Variants in ULK4 observed in about 807,000 individuals in gnomAD.
ULK4 encodes the protein inactive serine/threonine-protein kinase ULK4.
In ULK4, 133 loss-of-function variants were observed where a neutral mutation model predicts 160.6. That is an observed-to-expected ratio of 0.83 (90% CI 0.72 to 0.96). The LOEUF is 0.96. Among genes scored for constraint, ULK4 ranks in the 40% least tolerant of loss-of-function variants. ULK4 has a pLI of 0.00. For missense variants in ULK4, 1,580 were observed against 1,499.5 expected (o/e 1.05, Z -0.89); for synonymous variants, 534 against 539.8 (o/e 0.99, Z 0.15).
intron 17 of ULK4, among the ~76,000 whole-genome samples, chr3:41,844,660 G>A (rs1055896429): frequency 6.6e-6 from 1 of 152,192 alleles, no homozygotes; most frequent in Non-Finnish European, 1.5e-5. Context: ...GCCAAAGTGG[G>A]AGCCCAGGCA....
At chr3:41,599,696 C>T (rs2031938738) in intron 31 of ULK4, among the ~76,000 whole-genome samples, 2 of 151,582 alleles carry the variant, frequency 1.3e-5, no homozygotes, top group Non-Finnish European at 2.9e-5. Context: ...TCCTGAATAG[C>T]TGGGGTTACA....
intron 32 of ULK4, among the ~76,000 whole-genome samples, chr3:41,517,037 A>C (rs186833279): frequency 6.6e-6 from 1 of 152,160 alleles, no homozygotes; most frequent in African/African-American, 2.4e-5. Context: ...AAGAAAACAA[A>C]CCATTCAATT....
chr3:41,348,612 A>T (rs1387147466), intron 35 of ULK4, among the ~76,000 whole-genome samples: 1 of 151,938 alleles, frequency 6.6e-6, no homozygotes, highest in African/African-American at 2.4e-5. Flanking sequence ...AAAGAGATAA[A>T]TATAACTGAG....
At chr3:41,649,576 G>T (rs2034654581) in intron 30 of ULK4, among the ~76,000 whole-genome samples, 1 of 152,200 alleles carries the variant, frequency 6.6e-6, no homozygotes, top group Admixed American at 6.5e-5. Flanking sequence ...AACCCAGCTG[G>T]GGGTGTCCGT....
chr3:41,453,443 C>T (rs1033576205), intron 34 of ULK4, among the ~76,000 whole-genome samples: 1 of 152,154 alleles, frequency 6.6e-6, no homozygotes, highest in African/African-American at 2.4e-5. Flanking sequence ...ACCCAAAGTG[C>T]CAGTATTACA....
chr3:41,556,796 A>G (rs2087318158), intron 32 of ULK4, among the ~76,000 whole-genome samples: 1 of 151,962 alleles, frequency 6.6e-6, no homozygotes. Context: ...CCAAACTTTT[A>G]AGGAGTAGAT....
At chr3:41,447,730 T>C (rs559230853) in intron 34 of ULK4, among the ~76,000 whole-genome samples, 46 of 152,214 alleles carry the variant, frequency 3.0e-4, no homozygotes, top group African/African-American at 1.1e-3. Context: ...AGCACAGCAA[T>C]TTTCCAGAAA....
Position 41,954,785 on chromosome 3 carries a change from T to G in ULK4, c.-26A>C. 1 of 1,591,644 alleles carries G rather than the reference T, an allele frequency of 6.3e-7. No homozygotes were observed. Among genetic ancestry groups the G allele is most frequent in the Non-Finnish European group, 8.5e-7 (1 of 1,170,266 alleles). On this transcript the variant is annotated 5_prime_UTR_variant, in exon 2 of 37. Transcript: ENST00000301831. ...CTCTGGGCCGACTTCTCACATACAA[T>G]AGAATAACAGCATCTCTAGCTCCTA...
chr3:41,754,820 C>T (rs1185119783), intron 21 of ULK4, among the ~76,000 whole-genome samples: 2 of 152,162 alleles, frequency 1.3e-5, no homozygotes, highest in Admixed American at 1.3e-4. Context: ...TACTCAATCA[C>T]ACAACTGGAA....
At chr3:41,712,126 T>C (rs1190487525) in intron 25 of ULK4, among the ~76,000 whole-genome samples, 8 of 152,184 alleles carry the variant, frequency 5.3e-5, no homozygotes, top group African/African-American at 1.9e-4. Flanking sequence ...GGAAAAAAAT[T>C]TACAAAAAAT....
Position 41,257,339 on chromosome 3 carries a change from C to T in ULK4, c.3679-7765G>A, listed in dbSNP as rs188584650. Among the ~76,000 whole-genome samples, 602 of 152,170 alleles carry T rather than the reference C, an allele frequency of 4.0e-3. 5 individuals are homozygous for T. Among genetic ancestry groups the T allele is most frequent in the African/African-American group, 0.014 (563 of 41,500 alleles). ...GACGATTTGGCAGTTCTTTATAAAA[C>T]TAAACATACAGGCCAGACACAGTGG... On this transcript the variant is annotated intron_variant, in intron 35 of 36. Coordinates refer to ENST00000301831, the MANE Select transcript of ULK4 (RefSeq NM_017886.4).
At chr3:41,825,328 T>G (rs981986524) in intron 18 of ULK4, among the ~76,000 whole-genome samples, 1 of 151,944 alleles carries the variant, frequency 6.6e-6, no homozygotes, top group African/African-American at 2.4e-5. Context: ...CTTTGACGAG[T>G]TGAGAGAAGA....
At chr3:41,756,151 A>C (rs1277597038) in intron 21 of ULK4, among the ~76,000 whole-genome samples, 1 of 152,260 alleles carries the variant, frequency 6.6e-6, no homozygotes, top group Non-Finnish European at 1.5e-5. Context: ...CAAACTCAGA[A>C]GTCTGAGTAC....
intron 31 of ULK4, among the ~76,000 whole-genome samples, chr3:41,576,110 A>G (rs1439264607): frequency 1.3e-5 from 2 of 152,244 alleles, no homozygotes; most frequent in African/African-American, 2.4e-5. Flanking sequence ...AGGACAAATG[A>G]AAAAATAGAA....
intron 35 of ULK4, among the ~76,000 whole-genome samples, chr3:41,362,031 A>T (rs1039467540): frequency 6.6e-6 from 1 of 152,202 alleles, no homozygotes; most frequent in Non-Finnish European, 1.5e-5. Flanking sequence ...GATAAAGCTT[A>T]TCTTACTGCC....
chr3:41,684,761 T>C (rs2036044205), intron 27 of ULK4, among the ~76,000 whole-genome samples: 1 of 152,246 alleles, frequency 6.6e-6, no homozygotes, highest in Non-Finnish European at 1.5e-5. Flanking sequence ...CCTGAAAAAT[T>C]ACCATCTGAG....
At chr3:41,331,672 TCC>T (rs2080445166) in intron 35 of ULK4, among the ~76,000 whole-genome samples, 1 of 152,218 alleles carries the variant, frequency 6.6e-6, no homozygotes, top group South Asian at 2.1e-4. Flanking sequence ...GTGATCCTCT[TCC>T]CTCACCACTC....
chr3:41,403,878 A>G (rs1282588988), intron 34 of ULK4, among the ~76,000 whole-genome samples: 1 of 152,034 alleles, frequency 6.6e-6, no homozygotes, highest in Non-Finnish European at 1.5e-5. Flanking sequence ...TTACTTTTTA[A>G]ATGTTGGAAA....
chr3:41,895,605 A>G, intron 15 of ULK4, 41 bp from the exon 16 acceptor site: 1 of 1,331,868 alleles, frequency 7.5e-7, no homozygotes, highest in Non-Finnish European at 1.0e-6. Context: ...GAAAAAATTA[A>G]AATGTTTAAG....
Sources: gnomAD v4.1 joint callset for allele counts (sites outside exome capture counted in the v4.1 genomes callset) on GRCh38, gnomAD v4.1.1 for gene constraint, MANE v1.5 for transcripts, NCBI Gene and HGNC (gene_info 2026-07-23, HGNC 2026-07-21) for gene names.